Variants in HMGN5 observed in about 807,000 individuals in gnomAD.
HMGN5 encodes the protein high mobility group nucleosome-binding domain-containing protein 5.
Under a neutral mutation model 9.5 loss-of-function variants are expected in HMGN5, and 4 were observed. That is an observed-to-expected ratio of 0.42 (90% confidence interval 0.21 to 0.96). The LOEUF (loss-of-function observed/expected upper bound fraction) is 0.96, where lower values mean the gene tolerates loss of function less well. Among genes scored for constraint, HMGN5 ranks in the 40% least tolerant of loss-of-function variants. The pLI is 0.30. For missense variants in HMGN5, 192 were observed against 187.5 expected (o/e 1.02, Z -0.14); for synonymous variants, 55 against 57.1 (o/e 0.96, Z 0.16).
At chrX:81,181,942 TTTC>T (rs1219250964) in intron 1 of HMGN5, among the ~76,000 whole-genome samples, 4 of 112,068 alleles carry the variant, frequency 3.6e-5, no homozygotes, top group Admixed American at 9.5e-5. Context: ...ACTGATTTCC[TTTC>T]TTTTTGGCTA....
At chrX:81,151,464 G>GT (rs1445271303) in intron 1 of HMGN5, among the ~76,000 whole-genome samples, 1 of 110,361 alleles carries the variant, frequency 9.1e-6, no homozygotes, top group Non-Finnish European at 1.9e-5. Context: ...CTTTAAAGTA[G>GT]TTTTTTCCAA....
intron 1 of HMGN5, among the ~76,000 whole-genome samples, chrX:81,126,448 G>T (rs765580494): frequency 1.8e-5 from 2 of 111,408 alleles, no homozygotes; most frequent in South Asian, 7.5e-4. Context: ...AGAAAATTCA[G>T]AAGAGAAAAA....
intron 1 of HMGN5, among the ~76,000 whole-genome samples, chrX:81,153,251 A>T (rs1046284673): frequency 9.2e-6 from 1 of 108,764 alleles, no homozygotes; most frequent in Admixed American, 9.9e-5. Flanking sequence ...ACTGAGTTCA[A>T]TAATACACTA....
At chrX:81,191,566 T>C (rs2075494338) in intron 1 of HMGN5, among the ~76,000 whole-genome samples, 2 of 112,178 alleles carry the variant, frequency 1.8e-5, no homozygotes, top group Non-Finnish European at 3.8e-5. Context: ...GCACATTACA[T>C]TGATTGCTTT....
chrX:81,149,723 A>G (rs1364377568), intron 1 of HMGN5, among the ~76,000 whole-genome samples: 2 of 112,201 alleles, frequency 1.8e-5, no homozygotes, highest in African/African-American at 6.5e-5. Flanking sequence ...TATATATTCC[A>G]TGCCAATGGA....
At chrX:81,198,707 A>C in intron 1 of HMGN5, among the ~76,000 whole-genome samples, 1 of 111,940 alleles carries the variant, frequency 8.9e-6, no homozygotes, top group Non-Finnish European at 1.9e-5. Flanking sequence ...TCAATAAACT[A>C]GGTATTGATG....
At chrX:81,138,810 C>T (rs924039655) in intron 1 of HMGN5, among the ~76,000 whole-genome samples, 1 of 111,560 alleles carries the variant, frequency 9.0e-6, no homozygotes, top group Non-Finnish European at 1.9e-5. Flanking sequence ...AATCAACATA[C>T]AAAAGTTAAT....
chrX:81,180,773 C>T (rs757744318), intron 1 of HMGN5, among the ~76,000 whole-genome samples: 7 of 111,669 alleles, frequency 6.3e-5, no homozygotes, highest in Non-Finnish European at 1.3e-4. Flanking sequence ...CAGCACTATT[C>T]ACAATAGTAA....
intron 1 of HMGN5, among the ~76,000 whole-genome samples, chrX:81,140,707 T>G (rs1319269473): frequency 9.0e-6 from 1 of 111,318 alleles, no homozygotes; most frequent in Non-Finnish European, 1.9e-5. Context: ...ACTTTCTGCC[T>G]TCAGGTGAGA....
intron 1 of HMGN5, among the ~76,000 whole-genome samples, chrX:81,130,119 C>A (rs1464672542): frequency 9.0e-6 from 1 of 110,886 alleles, no homozygotes; most frequent in Non-Finnish European, 1.9e-5. Flanking sequence ...GAGAGAGAGA[C>A]CAGGTGTGCT....
chrX:81,119,718 T>C, intron 3 of HMGN5, 70 bp downstream of exon 3: 1 of 914,835 alleles, frequency 1.1e-6, no homozygotes, highest in Non-Finnish European at 1.6e-6. Context: ...CATCTATTTT[T>C]TAGCTGCTTA....
At chrX:81,154,039 A>G (rs1427821715) in intron 1 of HMGN5, among the ~76,000 whole-genome samples, 2 of 110,788 alleles carry the variant, frequency 1.8e-5, no homozygotes, top group Admixed American at 1.9e-4. Flanking sequence ...AGGGAACCAC[A>G]GAAGACCCAG....
chrX:81,119,969 C>T (rs1569340541), intron 2 of HMGN5, 152 bp from the exon 3 acceptor site: 2 of 498,900 alleles, frequency 4.0e-6, no homozygotes, highest in East Asian at 7.5e-5. Flanking sequence ...TTCTTAGGAA[C>T]CATGCTACAT....
At chrX:81,118,605 T>TA in intron 4 of HMGN5, 120 bp from the exon 5 acceptor site, 6 of 807,658 alleles carry the variant, frequency 7.4e-6, no homozygotes, top group Non-Finnish European at 1.1e-5. Context: ...AAAAATACAT[T>TA]TCCTTGGTGT....
At chrX:81,188,301 ATTG>A (rs775488405) in intron 1 of HMGN5, among the ~76,000 whole-genome samples, 19 of 94,810 alleles carry the variant, frequency 2.0e-4, no homozygotes, top group Non-Finnish European at 3.5e-4. Context: ...TATTATTATT[ATTG>A]TTATTGTACT....
chrX:81,134,903 G>T (rs2075307208), intron 1 of HMGN5, among the ~76,000 whole-genome samples: 1 of 111,463 alleles, frequency 9.0e-6, no homozygotes, highest in African/African-American at 3.3e-5. Flanking sequence ...GACACTGGAA[G>T]AGTGAAAACC....
chrX:81,145,167 CAAG>C, intron 1 of HMGN5, among the ~76,000 whole-genome samples: 1 of 111,556 alleles, frequency 9.0e-6, no homozygotes, highest in East Asian at 2.8e-4. Context: ...ACATTTTCCT[CAAG>C]AAGAGCAACC....
At chrX:81,162,672 G>C (rs780076838) in intron 1 of HMGN5, among the ~76,000 whole-genome samples, 1 of 110,998 alleles carries the variant, frequency 9.0e-6, no homozygotes, top group East Asian at 2.8e-4. Context: ...TGTAACTTTA[G>C]CTTGCATGTC....
At chrX:81,158,847 T>A (rs1219982629) in intron 1 of HMGN5, among the ~76,000 whole-genome samples, 1 of 111,758 alleles carries the variant, frequency 8.9e-6, no homozygotes, top group Non-Finnish European at 1.9e-5. Flanking sequence ...TTGTATAATG[T>A]GTAGCTAGCA....
Sources: gnomAD v4.1 joint callset for allele counts (sites outside exome capture counted in the v4.1 genomes callset) on GRCh38, gnomAD v4.1.1 for gene constraint, MANE v1.5 for transcripts, NCBI Gene and HGNC (gene_info 2026-07-23, HGNC 2026-07-21) for gene names.